The following SIGLEC12 variants were observed in gnomAD, a reference collection of about 807,000 sequenced individuals.
SIGLEC12 encodes the protein sialic acid-binding Ig-like lectin 12.
In SIGLEC12, 43 loss-of-function variants were observed where a neutral mutation model predicts 54.1. The ratio of observed to expected loss-of-function variants is 0.80; its 90% confidence interval spans 0.62 to 1.03. The LOEUF is 1.03. SIGLEC12 is among the 50% of genes least tolerant of loss of function. The pLI, the probability that SIGLEC12 is intolerant of heterozygous loss-of-function variation, is 0.00. For missense variants in SIGLEC12, 802 were observed against 735.2 expected (o/e 1.09, Z -1.05); for synonymous variants, 357 against 307.6 (o/e 1.16, Z -1.68).
chr19:51,498,969 A>C (rs1990315143), intron 4 of SIGLEC12, among the ~76,000 whole-genome samples: 1 of 152,096 alleles, frequency 6.6e-6, no homozygotes, highest in African/African-American at 2.4e-5. Flanking sequence ...CTGTGGGGCC[A>C]AAATAGGTGT....
Position 51,491,431 on chromosome 19 carries a change from A to C in SIGLEC12, c.*210T>G. The C allele has an allele frequency of 1.8e-6, 1 of 552,936 alleles. No individual in the cohort carries two copies. The highest frequency in any genetic ancestry group is 3.2e-6 in the Non-Finnish European group (1 of 311,014). 34.3% of individuals were successfully genotyped at this position (552,936 alleles called of 1,614,324 possible). ...AGAAGTAGAGAAGAGAATGGTGGGT[A>C]CCAGAGGCCGGGGGCGGGGAGTGTG... On this transcript the variant is annotated 3_prime_UTR_variant, in exon 8 of 8. Coordinates refer to ENST00000291707, the MANE Select transcript of SIGLEC12 (RefSeq NM_053003.4).
chr19:51,495,398 T>TGGACTGAC (rs1412892242), intron 7 of SIGLEC12, among the ~76,000 whole-genome samples: 1 of 44,970 alleles, frequency 2.2e-5, no homozygotes, highest in Non-Finnish European at 4.1e-5. Context: ...GATGGATGGA[T>TGGACTGAC]GGGTGGGTGG....
chr19:51,497,429 T>C lies in SIGLEC12; in HGVS notation c.1422A>G (p.Ile474Met), dbSNP rs1391298029. Residue 474 changes from isoleucine (I) to methionine (M), a missense_variant, in exon 6 of 8, where the codon ATA becomes ATG. Coordinates refer to ENST00000291707, the MANE Select transcript of SIGLEC12 (RefSeq NM_053003.4). ...CGAATGCCCCTAGCGTCACTCCTGA[T>C]ATAGGCCTCATTTTGCCTGAGGATG... is the stretch of plus-strand genomic sequence containing the variant. ...QNEYTGKMRP[I>M]SGVTLGAFGG... 1.9e-6 allele frequency: 3 copies of C among 1,611,716 alleles called. No homozygotes were observed. Among genetic ancestry groups the C allele is most frequent in the Non-Finnish European group, 8.5e-7 (1 of 1,178,288 alleles).
chr19:51,500,101 A>G lies in SIGLEC12; in HGVS notation c.627T>C (p.Ser209=), dbSNP rs1319976937. The G allele has an allele frequency of 1.9e-6, 3 of 1,613,850 alleles. No individual in the cohort carries two copies. The highest frequency in any genetic ancestry group is 1.3e-5 in the African/African-American group (1 of 74,908). ...WDIPVATNTP[S]GKVQEDTHGR... ...CGTGGGTATCCTCTTGCACTTTTCC[A>G]CTTGGGGTGTTTGTGGCCACTGGAA... The change falls in exon 2 of 8, where the codon AGT becomes AGC. Residue 209 remains serine, a synonymous_variant. Coordinates refer to ENST00000291707, the MANE Select transcript of SIGLEC12 (RefSeq NM_053003.4).
chr19:51,492,609 G>A (rs1338540316), intron 7 of SIGLEC12, among the ~76,000 whole-genome samples: 1 of 152,168 alleles, frequency 6.6e-6, no homozygotes, highest in Non-Finnish European at 1.5e-5. Flanking sequence ...TGGATTACTT[G>A]GGTGGGCCCA....
chr19:51,493,401 T>C (rs1447899291), intron 7 of SIGLEC12, among the ~76,000 whole-genome samples: 2 of 152,232 alleles, frequency 1.3e-5, no homozygotes, highest in South Asian at 2.1e-4. Flanking sequence ...GTTGTCTTCA[T>C]GCCATCAATA....
chr19:51,501,755 G>A lies in SIGLEC12; in HGVS notation c.-22C>T. ...GCATGTGTCGGGTTGGAGGTGCCAG[G>A]GTTGCTGAGGTAAGTCTGTTCCTCA... On this transcript the variant is annotated 5_prime_UTR_variant, in exon 1 of 8. Transcript: ENST00000291707. The A allele has an allele frequency of 3.8e-6, 6 of 1,572,792 alleles. No individual in the cohort carries two copies. Among genetic ancestry groups the A allele is most frequent in the South Asian group, 2.3e-5 (2 of 85,666 alleles).
chr19:51,500,220 GCA>G lies in SIGLEC12; in HGVS notation c.506_507del (p.Val169AlafsTer15). The G allele has an allele frequency of 6.2e-7, 1 of 1,614,182 alleles. No homozygotes were observed. Among genetic ancestry groups the G allele is most frequent in the Admixed American group, 1.7e-5 (1 of 60,022 alleles). On this transcript the variant is annotated frameshift_variant, in exon 2 of 8. Coordinates refer to ENST00000291707, the MANE Select transcript of SIGLEC12 (RefSeq NM_053003.4). LOFTEE classifies it high-confidence loss of function. ...VTVQEGLCVS[V>X]PCSVLYPHYN... ...TAATGGGGGTAAAGGACACTGCAGGGCACAGAGACACACAGACCCTCCTGCAC... is the reference window on the plus strand; with the variant it reads ...TAATGGGGGTAAAGGACACTGCAGGGCAGAGACACACAGACCCTCCTGCAC...
At position 51,491,499 on chromosome 19, in the gene SIGLEC12, G is replaced by A. The variant is rs952535190; in HGVS notation, c.*142C>T. ...AAGGGAGAGTTTGGTCATCAGGCAC[G>A]CATTTTCAGTTTGACAAGAGGAATA... On this transcript the variant is annotated 3_prime_UTR_variant, in exon 8 of 8. Coordinates refer to ENST00000291707, the MANE Select transcript of SIGLEC12 (RefSeq NM_053003.4). The A allele has an allele frequency of 1.1e-5, 9 of 792,032 alleles. No homozygotes were observed. Among genetic ancestry groups the A allele is most frequent in the Middle Eastern group, 3.7e-4 (1 of 2,694 alleles). 49.1% of individuals were successfully genotyped at this position (792,032 alleles called of 1,614,324 possible). A position where few individuals can be genotyped will look rare whatever the true frequency, so the allele number is the denominator to read the frequency against.
chr19:51,500,182 G>A lies in SIGLEC12; in HGVS notation c.546C>T (p.Ala182=), dbSNP rs759946322. ...SVLYPHYNWT[A]SSPVYGSWFK... ...ACCAGGATCCATAAACAGGGCTAGA[G>A]GCAGTCCAGTTGTAATGGGGGTAAA... The change falls in exon 2 of 8, where the codon GCC becomes GCT. Residue 182 remains alanine (A), a synonymous_variant. Coordinates refer to ENST00000291707, the MANE Select transcript of SIGLEC12 (RefSeq NM_053003.4). 4 of 1,614,154 alleles carry A rather than the reference G, an allele frequency of 2.5e-6. No homozygotes were observed. The Admixed American group carries it at 5.0e-5, about 20-fold the overall frequency.
At chr19:51,497,523 CCA>C in intron 5 of SIGLEC12, 78 bp from the exon 6 acceptor site, 1 of 1,087,278 alleles carries the variant, frequency 9.2e-7, no homozygotes, top group Non-Finnish European at 1.4e-6. Flanking sequence ...CTGTAGGGCC[CCA>C]GACTTGGGTA....
chr19:51,497,759 T>C (rs547352998), intron 5 of SIGLEC12, among the ~76,000 whole-genome samples: 1 of 152,412 alleles, frequency 6.6e-6, no homozygotes, highest in African/African-American at 2.4e-5. Flanking sequence ...TCTTAAATTG[T>C]GTGCCCAAAG....
intron 7 of SIGLEC12, among the ~76,000 whole-genome samples, chr19:51,492,586 G>C (rs574438523): frequency 6.6e-6 from 1 of 152,298 alleles, no homozygotes; most frequent in East Asian, 1.9e-4. Flanking sequence ...ATATCGAGAT[G>C]GGGAAATTAT....
chr19:51,492,125 T>C (rs1990121216), intron 7 of SIGLEC12, among the ~76,000 whole-genome samples: 1 of 152,196 alleles, frequency 6.6e-6, no homozygotes, highest in Non-Finnish European at 1.5e-5. Context: ...CTCCCTCTTA[T>C]ACCGGGACCC....
At chr19:51,498,550 T>G (rs576595817) in intron 4 of SIGLEC12, among the ~76,000 whole-genome samples, 1 of 152,366 alleles carries the variant, frequency 6.6e-6, no homozygotes, top group East Asian at 1.9e-4. Context: ...TAGATATTCC[T>G]TGTGGGAGTA....
In SIGLEC12 at chr19:51,496,971, C is replaced by G; in HGVS notation, c.1508G>C (p.Arg503Thr). The G allele has an allele frequency of 6.2e-7, 1 of 1,613,204 alleles. No individual in the cohort carries two copies. Among genetic ancestry groups the G allele is most frequent in the Non-Finnish European group, 8.5e-7 (1 of 1,179,982 alleles). ...LYFCIIFVVV[R>T]SCRKKSARPA... ...CCTTGCCGATTTCTTCCTGCAGGAC[C>G]TCACTCTGAGTGAAGAGACCAGAGA... The change falls in exon 7 of 8, where the codon AGG becomes ACG. Residue 503 changes from arginine (R) to threonine (T), a missense_variant. Coordinates refer to ENST00000291707, the MANE Select transcript of SIGLEC12 (RefSeq NM_053003.4).
Position 51,499,693 on chromosome 19 carries a change from A to G in SIGLEC12, c.832T>C (p.Ser278Pro). ...VTALTHMPTF[S>P]IPGTLESGHP... ...CCAGACTCCAGGGTCCCCGGGATGG[A>G]GAAGGTGGGCATGTGAGTCAGGGCT... The change falls in exon 3 of 8, where the codon TCC becomes CCC. Residue 278 changes from serine (S) to proline (P), a missense_variant. Coordinates refer to ENST00000291707, the MANE Select transcript of SIGLEC12 (RefSeq NM_053003.4). 6.2e-7 allele frequency: 1 copy of G among 1,614,008 alleles called. No individual in the cohort carries two copies. The highest frequency in any genetic ancestry group is 8.5e-7 in the Non-Finnish European group (1 of 1,179,980).
At chr19:51,492,643 A>C (rs759660036) in intron 7 of SIGLEC12, among the ~76,000 whole-genome samples, 31 of 152,152 alleles carry the variant, frequency 2.0e-4, no homozygotes, top group Non-Finnish European at 4.3e-4. Context: ...GGTCCTTACA[A>C]GTAGTGAAAG....
At chr19:51,494,764 C>G (rs186475733) in intron 7 of SIGLEC12, among the ~76,000 whole-genome samples, 1 of 152,164 alleles carries the variant, frequency 6.6e-6, no homozygotes, top group African/African-American at 2.4e-5. Flanking sequence ...AACATACACA[C>G]AATGCAATAT....
Sources: allele counts gnomAD v4.1 joint callset (sites outside exome capture counted in the v4.1 genomes callset), GRCh38; gene constraint gnomAD v4.1.1; transcripts MANE v1.5; gene names NCBI Gene and HGNC (gene_info 2026-07-23, HGNC 2026-07-21).